MAP3K7CL: variants seen among roughly 807,000 people sequenced by gnomAD.
MAP3K7CL encodes MAP3K7 C-terminal like, also known as MAP3K7 C-terminal-like protein.
Under a neutral mutation model 18.6 loss-of-function variants are expected in MAP3K7CL, and 16 were observed. That is an observed-to-expected ratio of 0.86 (90% CI 0.58 to 1.31). The LOEUF (loss-of-function observed/expected upper bound fraction) is 1.31, where lower values mean the gene tolerates loss of function less well. Ranked by LOEUF, MAP3K7CL falls within the 50% of genes most tolerant of loss-of-function variation. MAP3K7CL has a pLI of 0.00. For synonymous variants in MAP3K7CL, 65 were observed against 66.8 expected (o/e 0.97, Z 0.13); for missense variants, 163 against 174.4 (o/e 0.93, Z 0.37).
chr21:29,152,338 G>A (rs977459626), intron 3 of MAP3K7CL, among the ~76,000 whole-genome samples: 2 of 152,204 alleles, frequency 1.3e-5, no homozygotes, highest in African/African-American at 4.8e-5. Context: ...GGAAGTCTCT[G>A]TATTGAAAGC....
chr21:29,130,906 G>A lies in MAP3K7CL; in HGVS notation c.-57G>A, dbSNP rs929259319. 6.1e-6 allele frequency: 6 copies of A among 985,442 alleles called. No individual in the cohort carries two copies. In the African/African-American group the frequency reaches 1.0e-4, roughly 17 times the overall value. 61.0% of individuals were successfully genotyped at this position (985,442 alleles called of 1,614,324 possible). A position where few individuals can be genotyped will look rare whatever the true frequency, so the allele number is the denominator to read the frequency against. On this transcript the variant is annotated 5_prime_UTR_variant, in exon 1 of 5. Coordinates refer to ENST00000399928, the MANE Select transcript of MAP3K7CL (RefSeq NM_001286620.2). The stretch of plus-strand genomic sequence containing the variant: ...GCTGGCTCTGGGTTACACAAGTGCA[G>A]ACACTCAACTAAGTGAGGTAAGCCA...
chr21:29,140,619 A>G (rs568401387), intron 2 of MAP3K7CL, among the ~76,000 whole-genome samples: 2 of 152,338 alleles, frequency 1.3e-5, no homozygotes, highest in East Asian at 3.9e-4. Flanking sequence ...CTTCTTGACA[A>G]CAAATAGCTT....
At chr21:29,134,757 G>C (rs893625962) in intron 2 of MAP3K7CL, among the ~76,000 whole-genome samples, 21 of 151,758 alleles carry the variant, frequency 1.4e-4, no homozygotes, top group Non-Finnish European at 1.5e-5. Flanking sequence ...TGATCCTTAA[G>C]ACAACCATGC....
At chr21:29,103,858 T>A (rs190561532) in intron 4 of MAP3K7CL, among the ~76,000 whole-genome samples, 1 of 152,102 alleles carries the variant, frequency 6.6e-6, no homozygotes, top group Admixed American at 6.5e-5. Flanking sequence ...AAGCTGTGAT[T>A]GCTCCACTGC....
At chr21:29,087,742 C>T (rs1444628017) in intron 1 of MAP3K7CL, among the ~76,000 whole-genome samples, 2 of 151,782 alleles carry the variant, frequency 1.3e-5, no homozygotes, top group Non-Finnish European at 2.9e-5. Flanking sequence ...CACAGGCTCC[C>T]ACCACCACGA....
At chr21:29,095,197 C>G (rs1420494982) in intron 4 of MAP3K7CL, among the ~76,000 whole-genome samples, 2 of 151,892 alleles carry the variant, frequency 1.3e-5, no homozygotes, top group Non-Finnish European at 2.9e-5. Flanking sequence ...CCCCTGCACC[C>G]ACATGTATGC....
chr21:29,085,344 A>G (rs984807513), upstream of MAP3K7CL, among the ~76,000 whole-genome samples: 3 of 152,214 alleles, frequency 2.0e-5, no homozygotes, highest in Non-Finnish European at 4.4e-5. Flanking sequence ...CATTGCACGT[A>G]GCCGTGTATT....
In MAP3K7CL at chr21:29,138,990, A is replaced by G. The variant is rs572949102; in HGVS notation, c.70+5576A>G. Among the ~76,000 whole-genome samples, 3 of 152,274 alleles carry G rather than the reference A, an allele frequency of 2.0e-5. No individual in the cohort carries two copies. The East Asian group carries it at 5.8e-4, about 29-fold the overall frequency. On this transcript the variant is annotated intron_variant, in intron 2 of 4. Transcript: ENST00000399928. Reference sequence around the variant, plus strand: ...AAAAAAGAAATTCTTTCAAGCTGTTAGAAATTTTTTATATCTGGATATGAA... The same window carrying G: ...AAAAAAGAAATTCTTTCAAGCTGTTGGAAATTTTTTATATCTGGATATGAA...
chr21:29,164,579 C>T (rs200265152), intron 4 of MAP3K7CL, among the ~76,000 whole-genome samples: 2 of 152,164 alleles, frequency 1.3e-5, no homozygotes, highest in Non-Finnish European at 2.9e-5. Context: ...TCTTAAGAGG[C>T]GTGATGAGAA....
intron 4 of MAP3K7CL, among the ~76,000 whole-genome samples, chr21:29,164,909 A>G (rs1293847611): frequency 6.6e-6 from 1 of 152,202 alleles, no homozygotes; most frequent in East Asian, 1.9e-4. Flanking sequence ...ATATAATTGC[A>G]TATACAGTAA....
intron 4 of MAP3K7CL, among the ~76,000 whole-genome samples, chr21:29,170,955 T>A (rs1035173002): frequency 7.7e-5 from 10 of 129,662 alleles, no homozygotes; most frequent in Non-Finnish European, 1.3e-4. Flanking sequence ...TTTTTTTTTT[T>A]AATTTATATA....
At chr21:29,109,205 G>T (rs1045550092) in intron 4 of MAP3K7CL, 11 of 1,535,230 alleles carry the variant, frequency 7.2e-6, no homozygotes, top group Non-Finnish European at 9.6e-6. Context: ...GGGAAGGGTG[G>T]GTAAGTATTA....
At chr21:29,116,610 G>A (rs959080479) in intron 4 of MAP3K7CL, among the ~76,000 whole-genome samples, 14 of 152,046 alleles carry the variant, frequency 9.2e-5, no homozygotes, top group Admixed American at 5.9e-4. Context: ...CTTCCTTTAA[G>A]AAACCCAAAG....
upstream of MAP3K7CL, chr21:29,127,598 AAG>A (rs1287335499): frequency 2.6e-5 from 4 of 151,224 alleles, no homozygotes; most frequent in Non-Finnish European, 4.4e-5. Context: ...CAGATTCAGA[AAG>A]AGAACATTTA....
At chr21:29,142,019 A>T (rs2087019611) in intron 2 of MAP3K7CL, among the ~76,000 whole-genome samples, 1 of 151,506 alleles carries the variant, frequency 6.6e-6, no homozygotes, top group African/African-American at 2.4e-5. Context: ...TTTATGCGTA[A>T]GTTAATTTTT....
intron 2 of MAP3K7CL, among the ~76,000 whole-genome samples, chr21:29,137,017 C>T (rs1205884995): frequency 6.6e-6 from 1 of 152,158 alleles, no homozygotes; most frequent in Non-Finnish European, 1.5e-5. Flanking sequence ...CTGTAAGATG[C>T]GTATAGTAGT....
intron 4 of MAP3K7CL, among the ~76,000 whole-genome samples, chr21:29,093,914 C>T (rs1191794838): frequency 6.6e-6 from 1 of 152,174 alleles, no homozygotes; most frequent in Non-Finnish European, 1.5e-5. Context: ...TAATTACCCT[C>T]CTTCTAGGAT....
chr21:29,117,695 T>C (rs2086525211), intron 4 of MAP3K7CL, among the ~76,000 whole-genome samples: 1 of 152,260 alleles, frequency 6.6e-6, no homozygotes, highest in Non-Finnish European at 1.5e-5. Context: ...TAGGATGTGA[T>C]GGCTTAATTT....
intron 4 of MAP3K7CL, among the ~76,000 whole-genome samples, chr21:29,123,051 T>TTC (rs2086622572): frequency 8.3e-6 from 1 of 119,780 alleles, no homozygotes; most frequent in Non-Finnish European, 1.8e-5. Context: ...GGAGAAGAAA[T>TTC]GATCTTTTTT....
Sources: gnomAD v4.1 joint callset for allele counts (sites outside exome capture counted in the v4.1 genomes callset) on GRCh38, gnomAD v4.1.1 for gene constraint, MANE v1.5 for transcripts, NCBI Gene and HGNC (gene_info 2026-07-23, HGNC 2026-07-21) for gene names.